The following NFYC variants were observed in gnomAD, a reference collection of about 807,000 sequenced individuals.
NFYC encodes nuclear transcription factor Y subunit gamma, also known as CAAT box DNA-binding protein subunit C.
A neutral mutation model predicts 53.1 loss-of-function variants in NFYC; 25 were observed. The observed-to-expected ratio is 0.47, with a 90% confidence interval of 0.34 to 0.66. The LOEUF (loss-of-function observed/expected upper bound fraction) is 0.66, where lower values mean the gene tolerates loss of function less well. NFYC is among the 30% of genes least tolerant of loss of function. The pLI is 0.01. For synonymous variants in NFYC, 145 were observed against 152.6 expected, an observed-to-expected ratio of 0.95 and a Z score of 0.37; for missense variants, 260 against 422.7, an observed-to-expected ratio of 0.62 and a Z score of 3.38.
chr1:40,766,706 A>T lies in NFYC; in HGVS notation c.828+3A>T. The T allele has an allele frequency of 6.2e-7, 1 of 1,612,738 alleles. No individual in the cohort carries two copies. ...CACTTGCCACCAATGCTCAACAGGT[A>T]TGTGCCCCAGAGACACAAGGCCTGT... is the stretch of plus-strand genomic sequence containing the variant. On this transcript the variant is annotated splice_donor_region_variant and intron_variant, in intron 8 of 9. Coordinates refer to ENST00000447388, the MANE Select transcript of NFYC (RefSeq NM_014223.5).
intron 1 of NFYC, among the ~76,000 whole-genome samples, chr1:40,696,445 T>G (rs1643150523): frequency 6.6e-6 from 1 of 152,226 alleles, no homozygotes; most frequent in Non-Finnish European, 1.5e-5. Flanking sequence ...GAAGCGAACT[T>G]CAGTTCTTTC....
chr1:40,701,609 G>A (rs1643439058), intron 1 of NFYC, among the ~76,000 whole-genome samples: 1 of 152,130 alleles, frequency 6.6e-6, no homozygotes, highest in Admixed American at 6.5e-5. Context: ...CTATGCTTAT[G>A]TCCTCCCATA....
At chr1:40,769,811 A>G (rs1452932617) in intron 9 of NFYC, among the ~76,000 whole-genome samples, 6 of 152,136 alleles carry the variant, frequency 3.9e-5, no homozygotes, top group Admixed American at 3.3e-4. Flanking sequence ...GACTGTTGAG[A>G]CGCAGAGAAC....
Position 40,754,826 on chromosome 1 carries a change from C to CCAT in NFYC, c.387+1581_387+1582insATC, listed in dbSNP as rs1253318321. On this transcript the variant is annotated intron_variant, in intron 5 of 9. Coordinates refer to ENST00000447388, the MANE Select transcript of NFYC (RefSeq NM_014223.5). ...GGGTCTCTCGGGGTGTCATACAGCT[C>CCAT]CTTATTCCATCTTAGCCAGACTCAA... Among the ~76,000 whole-genome samples, 753 of 152,182 alleles carry CCAT rather than the reference C, an allele frequency of 4.9e-3. 4 individuals are homozygous for CCAT. The highest frequency in any genetic ancestry group is 0.018 in the African/African-American group (729 of 41,508).
At chr1:40,710,649 CTG>C (rs1643900193) in intron 1 of NFYC, among the ~76,000 whole-genome samples, 3 of 152,212 alleles carry the variant, frequency 2.0e-5, no homozygotes, top group Admixed American at 6.5e-5. Context: ...CACTTAGTCT[CTG>C]GGTACGGAAA....
intron 1 of NFYC, among the ~76,000 whole-genome samples, chr1:40,730,962 C>T (rs1250068372): frequency 6.6e-6 from 1 of 152,132 alleles, no homozygotes; most frequent in Non-Finnish European, 1.5e-5. Context: ...GCATTGTCCC[C>T]ACGTCTGTTT....
intron 1 of NFYC, among the ~76,000 whole-genome samples, chr1:40,701,765 A>C (rs1470136137): frequency 6.6e-6 from 1 of 152,194 alleles, no homozygotes; most frequent in Non-Finnish European, 1.5e-5. Flanking sequence ...TATTTAGTAC[A>C]ATGGCTATGC....
intron 1 of NFYC, among the ~76,000 whole-genome samples, chr1:40,700,444 T>C (rs1367971805): frequency 6.6e-6 from 1 of 152,156 alleles, no homozygotes; most frequent in African/African-American, 2.4e-5. Flanking sequence ...TGGGTTCAAG[T>C]CATCCTCTTG....
At chr1:40,748,590 A>G (rs776093362) in intron 3 of NFYC, among the ~76,000 whole-genome samples, 8 of 152,274 alleles carry the variant, frequency 5.3e-5, no homozygotes, top group Non-Finnish European at 7.4e-5. Flanking sequence ...CTTTTGATCT[A>G]TGAGTTTCTT....
At chr1:40,725,143 G>A (rs552075101) in intron 1 of NFYC, among the ~76,000 whole-genome samples, 105 of 152,192 alleles carry the variant, frequency 6.9e-4, no homozygotes, top group African/African-American at 1.4e-3. Flanking sequence ...GGCACTAAAC[G>A]TAGTGCCTGA....
chr1:40,742,215 C>CT (rs879874907), intron 2 of NFYC, among the ~76,000 whole-genome samples: 223 of 143,932 alleles, frequency 1.5e-3, no homozygotes, highest in Middle Eastern at 3.6e-3. Flanking sequence ...CTGGCCTATC[C>CT]TTTTTTTTTT....
chr1:40,740,341 CCAGA>C (rs1422528556), intron 2 of NFYC, among the ~76,000 whole-genome samples: 5 of 152,102 alleles, frequency 3.3e-5, no homozygotes, highest in African/African-American at 7.2e-5. Context: ...CAGTAATGAA[CCAGA>C]CAGACAGGAT....
intron 8 of NFYC, among the ~76,000 whole-genome samples, chr1:40,767,646 G>C (rs895742889): frequency 5.9e-5 from 9 of 152,098 alleles, no homozygotes; most frequent in African/African-American, 1.9e-4. Context: ...GCATGGGAGT[G>C]GGAGGAAATG....
chr1:40,724,003 A>G (rs114368321), intron 1 of NFYC, among the ~76,000 whole-genome samples: 20 of 152,194 alleles, frequency 1.3e-4, no homozygotes, highest in Non-Finnish European at 2.4e-4. Context: ...AGGGCCAGAT[A>G]TTTTAGGCTT....
At chr1:40,733,956 AG>A (rs1182056079) in intron 1 of NFYC, among the ~76,000 whole-genome samples, 1 of 152,168 alleles carries the variant, frequency 6.6e-6, no homozygotes, top group East Asian at 1.9e-4. Flanking sequence ...TATATTAGCC[AG>A]GCTGGTCTTG....
chr1:40,701,393 G>T (rs1302575351), intron 1 of NFYC, among the ~76,000 whole-genome samples: 3 of 152,194 alleles, frequency 2.0e-5, no homozygotes, highest in African/African-American at 7.2e-5. Context: ...GAGCCACTGC[G>T]CCCGGCCTAC....
At position 40,741,176 on chromosome 1, in the gene NFYC, A is replaced by G. The variant is rs140522861; in HGVS notation, c.105+2228A>G. The stretch of plus-strand genomic sequence containing the variant: ...ACAGTCCCCTACTTACAATGATTCA[A>G]CTTAATGTTTTTTTTCCACTTTACA... On this transcript the variant is annotated intron_variant, in intron 2 of 9. Transcript: ENST00000447388. 5.0e-3 allele frequency among the ~76,000 whole-genome samples: 756 copies of G among 152,298 alleles called. 5 individuals carry two copies. Among genetic ancestry groups the G allele is most frequent in the African/African-American group, 0.018 (732 of 41,554 alleles).
At chr1:40,767,629 CA>C (rs1254466978) in intron 8 of NFYC, among the ~76,000 whole-genome samples, 1 of 152,148 alleles carries the variant, frequency 6.6e-6, no homozygotes, top group African/African-American at 2.4e-5. Flanking sequence ...ATCCAAAAAA[CA>C]TAACGGCATG....
intron 1 of NFYC, among the ~76,000 whole-genome samples, chr1:40,702,362 A>G (rs1278594912): frequency 6.4e-5 from 8 of 124,362 alleles, no homozygotes; most frequent in Non-Finnish European, 9.9e-5. Context: ...TTTTTTTTCG[A>G]GAGGGAGTCT....
Sources: gnomAD v4.1 joint callset for allele counts (sites outside exome capture counted in the v4.1 genomes callset) on GRCh38, gnomAD v4.1.1 for gene constraint, MANE v1.5 for transcripts, NCBI Gene and HGNC (gene_info 2026-07-23, HGNC 2026-07-21) for gene names.